TTBK2: variants seen among roughly 807,000 people sequenced by gnomAD.
TTBK2 encodes the protein tau tubulin kinase 2.
A neutral mutation model predicts 110.8 loss-of-function variants in TTBK2; 28 were observed. The observed-to-expected ratio is 0.25, with a 90% CI of 0.19 to 0.35. The LOEUF is 0.35. Among genes scored for constraint, TTBK2 ranks in the 10% least tolerant of loss-of-function variants. TTBK2 has a pLI of 1.00. For missense variants in TTBK2, 1,369 were observed against 1,500.3 expected (o/e 0.91, Z 1.45); for synonymous variants, 532 against 527.3 (o/e 1.01, Z -0.12).
At chr15:42,874,728 C>T (rs904802615) in intron 2 of TTBK2, among the ~76,000 whole-genome samples, 12 of 151,404 alleles carry the variant, frequency 7.9e-5, no homozygotes, top group Non-Finnish European at 1.2e-4. Flanking sequence ...TGGCTCACAC[C>T]TGTAATCCCA....
At chr15:42,831,414 C>T (rs1187030755) in intron 4 of TTBK2, among the ~76,000 whole-genome samples, 1 of 152,038 alleles carries the variant, frequency 6.6e-6, no homozygotes, top group Non-Finnish European at 1.5e-5. Context: ...TCAACATATG[C>T]TAACTATTGT....
rs1028818497 is a variant in TTBK2, at chr15:42,742,267, C to T, written c.*3528G>A. On this transcript the variant is annotated 3_prime_UTR_variant, in exon 15 of 15. Coordinates refer to ENST00000267890, the MANE Select transcript of TTBK2 (RefSeq NM_173500.4). ...TGGCAACTTTTACAAAAAACATTCA[C>T]ATCACAACATGCAACTTAAAAAACA... is the stretch of plus-strand genomic sequence containing the variant. The T allele has an allele frequency of 3.9e-5, 6 of 152,212 alleles. No homozygotes were observed. The highest frequency in any genetic ancestry group is 9.6e-5 in the African/African-American group (4 of 41,456). 9.4% of individuals were successfully genotyped at this position (152,212 alleles called of 1,614,324 possible).
At chr15:42,801,660 G>A (rs745746542) in intron 9 of TTBK2, 12 of 891,018 alleles carry the variant, frequency 1.3e-5, no homozygotes, top group South Asian at 9.1e-5. Flanking sequence ...TCCAGGAAGC[G>A]GCTGTTGTCC....
At chr15:42,850,030 G>A (rs1893632339) in intron 3 of TTBK2, among the ~76,000 whole-genome samples, 2 of 152,030 alleles carry the variant, frequency 1.3e-5, no homozygotes, top group Non-Finnish European at 2.9e-5. Context: ...CAGAACGGCA[G>A]AGGGAGAAAA....
chr15:42,892,293 G>A (rs539525487), intron 1 of TTBK2, among the ~76,000 whole-genome samples: 4 of 152,236 alleles, frequency 2.6e-5, no homozygotes, highest in African/African-American at 9.6e-5. Context: ...TTGGAACTAA[G>A]CCATGCTCAT....
chr15:42,890,079 C>A (rs1245613863), intron 1 of TTBK2, among the ~76,000 whole-genome samples: 1 of 152,198 alleles, frequency 6.6e-6, no homozygotes, highest in African/African-American at 2.4e-5. Context: ...TAGATGATGA[C>A]ATTCCACCAT....
chr15:42,885,635 C>A (rs1002578556), intron 1 of TTBK2, among the ~76,000 whole-genome samples: 1 of 152,330 alleles, frequency 6.6e-6, no homozygotes, highest in Non-Finnish European at 1.5e-5. Flanking sequence ...GCAGCAAGCA[C>A]CGCCTTTCTG....
At chr15:42,887,935 C>T (rs1388053426) in intron 1 of TTBK2, among the ~76,000 whole-genome samples, 1 of 116,812 alleles carries the variant, frequency 8.6e-6, no homozygotes, top group Non-Finnish European at 1.6e-5. Context: ...AACACACGTG[C>T]TCTCCCGCTG....
chr15:42,883,406 T>C (rs1372458949), intron 1 of TTBK2, among the ~76,000 whole-genome samples: 1 of 148,262 alleles, frequency 6.7e-6, no homozygotes, highest in African/African-American at 2.5e-5. Context: ...AGTAGAATGG[T>C]AAAGGGACTC....
intron 6 of TTBK2, among the ~76,000 whole-genome samples, chr15:42,821,407 T>C (rs1293181836): frequency 2.0e-5 from 3 of 152,212 alleles, no homozygotes; most frequent in African/African-American, 4.8e-5. Flanking sequence ...CTTTTAATTA[T>C]TGAGGTATCA....
At chr15:42,837,613 T>G (rs1158342829) in intron 4 of TTBK2, among the ~76,000 whole-genome samples, 1 of 141,510 alleles carries the variant, frequency 7.1e-6, no homozygotes, top group African/African-American at 2.7e-5. Context: ...GAGCCGAGAT[T>G]GTGCCACTGC....
At chr15:42,747,135 A>G (rs1285794306) in intron 14 of TTBK2, among the ~76,000 whole-genome samples, 1 of 151,880 alleles carries the variant, frequency 6.6e-6, no homozygotes, top group Non-Finnish European at 1.5e-5. Flanking sequence ...ATGCCTGGCT[A>G]ATTTTTATAT....
intron 13 of TTBK2, among the ~76,000 whole-genome samples, chr15:42,768,992 C>G (rs1000261673): frequency 6.6e-6 from 1 of 152,064 alleles, no homozygotes; most frequent in Non-Finnish European, 1.5e-5. Context: ...ACAAACCCGA[C>G]AAAAACAAGA....
chr15:42,844,167 C>G (rs1436740524), intron 3 of TTBK2, among the ~76,000 whole-genome samples: 1 of 152,198 alleles, frequency 6.6e-6, no homozygotes, highest in Non-Finnish European at 1.5e-5. Flanking sequence ...TAGGCTGTAA[C>G]AGTACCTGGC....
chr15:42,917,597 C>G (rs1290080816), intron 1 of TTBK2, among the ~76,000 whole-genome samples: 1 of 151,212 alleles, frequency 6.6e-6, no homozygotes, highest in Non-Finnish European at 1.5e-5. Flanking sequence ...TGAAAGCTTT[C>G]AGTACTTTCG....
intron 9 of TTBK2, chr15:42,800,397 T>C (rs990711227): frequency 1.4e-5 from 5 of 355,276 alleles, no homozygotes; most frequent in Admixed American, 4.3e-5. Flanking sequence ...ACTCCTCTCA[T>C]CCTTAGCACA....
intron 3 of TTBK2, among the ~76,000 whole-genome samples, chr15:42,846,133 A>T (rs958255683): frequency 6.6e-6 from 1 of 151,928 alleles, no homozygotes; most frequent in Non-Finnish European, 1.5e-5. Flanking sequence ...ACAGGAAAAA[A>T]AAAAAGTCTA....
At chr15:42,915,294 T>G (rs1045651895) in intron 1 of TTBK2, among the ~76,000 whole-genome samples, 2 of 152,262 alleles carry the variant, frequency 1.3e-5, no homozygotes, top group East Asian at 3.8e-4. Context: ...CTGTGCTGTT[T>G]GTCACTTAGT....
intron 6 of TTBK2, among the ~76,000 whole-genome samples, chr15:42,826,808 T>C (rs1892555567): frequency 6.6e-6 from 1 of 152,224 alleles, no homozygotes; most frequent in South Asian, 2.1e-4. Context: ...GCCTAATGTT[T>C]TCTTTTTAAC....
Sources: gnomAD v4.1 joint callset for allele counts (sites outside exome capture counted in the v4.1 genomes callset) on GRCh38, gnomAD v4.1.1 for gene constraint, MANE v1.5 for transcripts, NCBI Gene and HGNC (gene_info 2026-07-23, HGNC 2026-07-21) for gene names.